Variants in CFAP54 observed in about 807,000 individuals in gnomAD.
The protein encoded by CFAP54 is cilia- and flagella-associated protein 54.
CFAP54 carries 290 observed loss-of-function variants against 370.4 expected under a neutral mutation model. That is an observed-to-expected ratio of 0.78 (90% CI 0.71 to 0.86). The LOEUF (loss-of-function observed/expected upper bound fraction) is 0.86, where lower values mean the gene tolerates loss of function less well. Ranked by LOEUF, CFAP54 falls within the 40% of genes least tolerant of loss-of-function variation. The probability of loss-of-function intolerance (pLI) is 0.00; values close to 1 mark genes in which losing one functional copy is unlikely to be tolerated. For synonymous variants in CFAP54, 1,206 were observed against 1,236.5 expected (o/e 0.98, Z 0.52); for missense variants, 3,399 against 3,528.7 (o/e 0.96, Z 0.93).
chr12:96,575,447 T>C (rs1294918132), intron 19 of CFAP54, among the ~76,000 whole-genome samples: 1 of 152,100 alleles, frequency 6.6e-6, no homozygotes. Context: ...TCCAGAACAC[T>C]TTAAGTGAAA....
chr12:96,704,361 A>G (rs1399623546), intron 46 of CFAP54, among the ~76,000 whole-genome samples: 2 of 145,880 alleles, frequency 1.4e-5, no homozygotes, highest in African/African-American at 2.5e-5. Flanking sequence ...CGGGAGGTGG[A>G]GCTTGCAGTG....
intron 16 of CFAP54, 41 bp from the exon 17 acceptor site, chr12:96,554,635 A>T: frequency 1.3e-6 from 2 of 1,483,936 alleles, no homozygotes; most frequent in Admixed American, 2.2e-5. Flanking sequence ...GTGTGTTTTG[A>T]TAACTATATT....
intron 22 of CFAP54, among the ~76,000 whole-genome samples, chr12:96,584,199 C>T (rs1024000333): frequency 6.6e-6 from 1 of 151,854 alleles, no homozygotes; most frequent in African/African-American, 2.4e-5. Flanking sequence ...TGTAGTGGCT[C>T]ACGCCTGTAA....
rs941612779 is a variant in CFAP54, at chr12:96,589,497, C to T, written c.3146C>T (p.Ala1049Val). 3.3e-6 allele frequency: 5 copies of T among 1,511,160 alleles called. No individual in the cohort carries two copies. The highest frequency in any genetic ancestry group is 4.4e-6 in the Non-Finnish European group (5 of 1,124,486). 93.6% of individuals were successfully genotyped at this position (1,511,160 alleles called of 1,614,324 possible). A position where few individuals can be genotyped will look rare whatever the true frequency, so the allele number is the denominator to read the frequency against. Residue 1049 changes from alanine (A) to valine (V), a missense_variant, in exon 23 of 68, where the codon GCT becomes GTT. Coordinates refer to ENST00000524981, the MANE Select transcript of CFAP54 (RefSeq NM_001306084.2). Reference protein sequence around the residue: ...VFSPVWDYFVASPLQDEQSVI... With the variant: ...VFSPVWDYFVVSPLQDEQSVI... ...TCACCAGTTTGGGATTATTTTGTTG[C>T]TTCGCCACTTCAGGATGAACAATCT...
intron 66 of CFAP54, among the ~76,000 whole-genome samples, chr12:96,838,576 T>G (rs2136771352): frequency 6.6e-6 from 1 of 152,152 alleles, no homozygotes; most frequent in Admixed American, 6.5e-5. Flanking sequence ...GGGGAAGAGC[T>G]GCTTATAAAA....
chr12:96,844,370 A>C (rs1277069038), intron 66 of CFAP54, among the ~76,000 whole-genome samples: 1 of 152,148 alleles, frequency 6.6e-6, no homozygotes, highest in Admixed American at 6.5e-5. Flanking sequence ...AGGTGAAGAA[A>C]GGGGTGCAAG....
At chr12:96,587,555 A>G (rs2136431081) in intron 22 of CFAP54, among the ~76,000 whole-genome samples, 1 of 152,248 alleles carries the variant, frequency 6.6e-6, no homozygotes, top group South Asian at 2.1e-4. Flanking sequence ...TGCTTATATC[A>G]TGGCACTCCT....
rs1379647201 is a variant in CFAP54 at position 96,521,973 on chromosome 12, A to T, written c.1056+3A>T. 1 of 1,531,562 alleles carries T rather than the reference A, an allele frequency of 6.5e-7. No homozygotes were observed. Among genetic ancestry groups the T allele is most frequent in the Non-Finnish European group, 8.7e-7 (1 of 1,143,576 alleles). 94.9% of individuals were successfully genotyped at this position (1,531,562 alleles called of 1,614,324 possible). On this transcript the variant is annotated splice_donor_region_variant and intron_variant, in intron 7 of 67. Transcript: ENST00000524981. ...ATTTTCGAGAGGCCACAATGAAGGT[A>T]TAAAAATTTCATGAAATAAAAGAAA...
At chr12:96,851,176 C>G (rs7312614) in intron 66 of CFAP54, among the ~76,000 whole-genome samples, 122,860 of 152,124 alleles carry the variant, frequency 0.81, 50,253 homozygotes, top group African/African-American at 0.94. Context: ...AGCACATTCA[C>G]GTTCACTTAA....
At chr12:96,597,079 TA>T (rs1413789621) in intron 25 of CFAP54, among the ~76,000 whole-genome samples, 5 of 152,106 alleles carry the variant, frequency 3.3e-5, no homozygotes, top group African/African-American at 1.2e-4. Flanking sequence ...TTTGGTAAAG[TA>T]ATTTTAATTT....
intron 41 of CFAP54, 36 bp downstream of exon 41, chr12:96,684,771 GT>G (rs763323021): frequency 2.0e-6 from 3 of 1,502,530 alleles, no homozygotes; most frequent in Admixed American, 2.1e-5. Context: ...AAGGGCAAAG[GT>G]TTTTTATTTG....
intron 45 of CFAP54, among the ~76,000 whole-genome samples, chr12:96,698,129 T>C (rs1957454977): frequency 6.6e-6 from 1 of 152,184 alleles, no homozygotes; most frequent in African/African-American, 2.4e-5. Context: ...TCTTCATGTG[T>C]CACTGAAACT....
At chr12:96,866,102 C>T (rs1959999636) in intron 67 of CFAP54, among the ~76,000 whole-genome samples, 1 of 151,880 alleles carries the variant, frequency 6.6e-6, no homozygotes. Context: ...TTGTAAAATC[C>T]ATCTATCATC....
At chr12:96,673,919 A>G (rs1175129178) in intron 39 of CFAP54, among the ~76,000 whole-genome samples, 1 of 152,212 alleles carries the variant, frequency 6.6e-6, no homozygotes, top group Non-Finnish European at 1.5e-5. Context: ...GTAATTTGGT[A>G]TAGTCTCTGT....
chr12:96,691,189 T>C lies in CFAP54; in HGVS notation c.6143T>C (p.Ile2048Thr). The C allele has an allele frequency of 6.2e-7, 1 of 1,613,660 alleles. No individual in the cohort carries two copies. The highest frequency in any genetic ancestry group is 8.5e-7 in the Non-Finnish European group (1 of 1,179,750). ...KAERCYAQYE[I>T]TQLLPGIELF... ...GAACGTTGCTATGCTCAATATGAAATCACTCAGCTTCTCCCAGGCATTGAA... is the reference window on the plus strand; with the variant it reads ...GAACGTTGCTATGCTCAATATGAAACCACTCAGCTTCTCCCAGGCATTGAA... The change falls in exon 44 of 68, where the codon ATC becomes ACC. Residue 2048 changes from isoleucine to threonine, a missense_variant. Physicochemically the swap from Ile to Thr is moderately conservative, Grantham distance 89. Coordinates refer to ENST00000524981, the MANE Select transcript of CFAP54 (RefSeq NM_001306084.2).
At chr12:96,678,979 C>T (rs987989564) in intron 39 of CFAP54, among the ~76,000 whole-genome samples, 8 of 152,210 alleles carry the variant, frequency 5.3e-5, no homozygotes, top group African/African-American at 1.9e-4. Context: ...GGTCCTGCTT[C>T]ATGATGTATG....
intron 46 of CFAP54, among the ~76,000 whole-genome samples, chr12:96,701,238 A>G (rs1957488584): frequency 6.6e-6 from 1 of 152,070 alleles, no homozygotes; most frequent in African/African-American, 2.4e-5. Flanking sequence ...AGAGAGAGAA[A>G]TTGGAGTCAG....
At chr12:96,535,703 AT>A in intron 12 of CFAP54, 103 bp downstream of exon 12, 1 of 686,020 alleles carries the variant, frequency 1.5e-6, no homozygotes, top group African/African-American at 1.8e-5. Context: ...CCTTGCTAAA[AT>A]TTTATTTTGT....
intron 32 of CFAP54, among the ~76,000 whole-genome samples, chr12:96,638,262 T>A (rs1956685349): frequency 6.6e-6 from 1 of 151,138 alleles, no homozygotes; most frequent in African/African-American, 2.4e-5. Flanking sequence ...TATATTTATT[T>A]TTTTTTGGTT....
Sources: allele counts gnomAD v4.1 joint callset (sites outside exome capture counted in the v4.1 genomes callset), GRCh38; gene constraint gnomAD v4.1.1; transcripts MANE v1.5; gene names NCBI Gene and HGNC (gene_info 2026-07-23, HGNC 2026-07-21).